The following RBFOX1 variants were observed in gnomAD, a reference collection of about 807,000 sequenced individuals.
RBFOX1 encodes the protein RNA binding fox-1 homolog 1.
A neutral mutation model predicts 57.7 loss-of-function variants in RBFOX1; 8 were observed. That is an observed-to-expected ratio of 0.14 (90% CI 0.08 to 0.25). The LOEUF (loss-of-function observed/expected upper bound fraction) is 0.25. Among genes scored for constraint, RBFOX1 ranks in the 10% least tolerant of loss-of-function variants. The pLI, the probability that RBFOX1 is intolerant of heterozygous loss-of-function variation, is 1.00. For synonymous variants in RBFOX1, 326 were observed against 222.4 expected (o/e 1.47, Z -4.15); for missense variants, 611 against 548.5 (o/e 1.11, Z -1.14).
At chr16:6,007,696 A>G (rs74484057) in intron 4 of RBFOX1, among the ~76,000 whole-genome samples, 1,854 of 152,294 alleles carry the variant, frequency 0.012, 34 homozygotes, top group African/African-American at 0.043. Flanking sequence ...TACTTGTGGG[A>G]TGAATGAACA....
chr16:7,474,049 G>A (rs945193058), intron 4 of RBFOX1, among the ~76,000 whole-genome samples: 12 of 152,122 alleles, frequency 7.9e-5, no homozygotes, highest in Non-Finnish European at 1.5e-4. Flanking sequence ...AGCACTTTGG[G>A]AGGCTGAGGA....
chr16:6,282,495 C>T (rs770728959), intron 1 of RBFOX1, among the ~76,000 whole-genome samples: 5 of 151,708 alleles, frequency 3.3e-5, no homozygotes, highest in Non-Finnish European at 7.4e-5. Context: ...GGTGTTAAGC[C>T]CTGCATGCAT....
intron 2 of RBFOX1, among the ~76,000 whole-genome samples, chr16:6,388,205 A>C (rs965304902): frequency 6.6e-6 from 1 of 151,812 alleles, no homozygotes; most frequent in African/African-American, 2.4e-5. Flanking sequence ...TGACCTTGTG[A>C]TCCACCAACC....
At chr16:5,707,655 G>C (rs1217526409) in intron 3 of RBFOX1, among the ~76,000 whole-genome samples, 1 of 152,164 alleles carries the variant, frequency 6.6e-6, no homozygotes, top group Non-Finnish European at 1.5e-5. Flanking sequence ...TATGAGGTTT[G>C]CTGGTGTTGC....
chr16:7,615,243 G>C (rs1240858403), intron 10 of RBFOX1, among the ~76,000 whole-genome samples: 2 of 152,166 alleles, frequency 1.3e-5, no homozygotes, highest in Non-Finnish European at 2.9e-5. Flanking sequence ...TGAGGCAGGA[G>C]AATGGCGTGA....
intron 3 of RBFOX1, among the ~76,000 whole-genome samples, chr16:5,654,514 A>C (rs1043105617): frequency 2.0e-5 from 3 of 151,972 alleles, no homozygotes; most frequent in African/African-American, 7.3e-5. Context: ...TTCTTCTCTC[A>C]TTCAGAATCG....
intron 12 of RBFOX1, among the ~76,000 whole-genome samples, chr16:7,654,881 G>A (rs537521298): frequency 6.3e-4 from 96 of 152,270 alleles, no homozygotes; most frequent in Admixed American, 1.0e-3. Flanking sequence ...TTGTTTGACA[G>A]CCCCCAACAA....
At chr16:7,572,645 C>T (rs2092906564) in intron 5 of RBFOX1, among the ~76,000 whole-genome samples, 1 of 152,088 alleles carries the variant, frequency 6.6e-6, no homozygotes, top group Admixed American at 6.6e-5. Flanking sequence ...CGAGACCATC[C>T]TGGCTAACGC....
At chr16:7,413,009 T>C (rs1282959086) in intron 4 of RBFOX1, among the ~76,000 whole-genome samples, 1 of 151,748 alleles carries the variant, frequency 6.6e-6, no homozygotes, top group African/African-American at 2.4e-5. Flanking sequence ...GCCACTGCAC[T>C]CCAGCCCGGG....
At chr16:7,598,654 T>A (rs546731188) in intron 9 of RBFOX1, among the ~76,000 whole-genome samples, 11 of 152,300 alleles carry the variant, frequency 7.2e-5, no homozygotes, top group African/African-American at 2.6e-4. Flanking sequence ...CCTATATATG[T>A]AGTAGGTGTT....
chr16:6,538,548 C>T (rs1471217880), intron 2 of RBFOX1, among the ~76,000 whole-genome samples: 1 of 152,114 alleles, frequency 6.6e-6, no homozygotes, highest in African/African-American at 2.4e-5. Flanking sequence ...ATGCCACACC[C>T]ACTAGGATGA....
intron 4 of RBFOX1, among the ~76,000 whole-genome samples, chr16:7,208,769 T>C (rs1365594696): frequency 1.3e-5 from 2 of 152,130 alleles, no homozygotes; most frequent in Non-Finnish European, 2.9e-5. Flanking sequence ...TCCAGGTATT[T>C]GAGGCTACAG....
At chr16:7,199,236 A>C (rs1203588147) in intron 4 of RBFOX1, among the ~76,000 whole-genome samples, 2 of 152,216 alleles carry the variant, frequency 1.3e-5, no homozygotes, top group Admixed American at 6.5e-5. Flanking sequence ...CTAAGAGCTT[A>C]AACCAGACAA....
In RBFOX1 at chr16:7,316,329, G is replaced by C. The variant is rs117611612; in HGVS notation, c.28-201818G>C. ...AGAAATGCTATGTTTTTACCTGTTT[G>C]TATAATCTTCCTAACATTGCATGAT... On this transcript the variant is annotated intron_variant, in intron 4 of 15. Transcript: ENST00000550418. 6.1e-3 allele frequency among the ~76,000 whole-genome samples: 930 copies of C among 152,294 alleles called. 6 individuals are homozygous for C. Among genetic ancestry groups the C allele is most frequent in the South Asian group, 0.028 (133 of 4,824 alleles).
At chr16:7,699,648 A>T (rs1390675004) in intron 14 of RBFOX1, among the ~76,000 whole-genome samples, 1 of 152,232 alleles carries the variant, frequency 6.6e-6, no homozygotes, top group Non-Finnish European at 1.5e-5. Flanking sequence ...TAGTACAAAA[A>T]TGATGTAAAA....
intron 13 of RBFOX1, among the ~76,000 whole-genome samples, chr16:7,676,301 A>G (rs991790686): frequency 6.6e-6 from 1 of 152,224 alleles, no homozygotes; most frequent in African/African-American, 2.4e-5. Context: ...ATAAACTTTC[A>G]ATCAAAGGGT....
chr16:7,315,900 G>C (rs2096427994), intron 4 of RBFOX1, among the ~76,000 whole-genome samples: 1 of 152,002 alleles, frequency 6.6e-6, no homozygotes, highest in African/African-American at 2.4e-5. Flanking sequence ...TATCTTTGAT[G>C]GGTTACTAAA....
Position 5,879,623 on chromosome 16 carries a change from C to A in RBFOX1, c.351+12288C>A, listed in dbSNP as rs548246185. On this transcript the variant is annotated intron_variant, in intron 4 of 19. Transcript: ENST00000641259. ...GGGATTATAGGCGTGAGCCACCACG[C>A]CTGATCTATTTTCTTATTTAGTTCA... is the stretch of plus-strand genomic sequence containing the variant. 5.9e-5 allele frequency among the ~76,000 whole-genome samples: 9 copies of A among 152,286 alleles called. No individual in the cohort carries two copies. In the East Asian group the frequency reaches 1.5e-3, roughly 26 times the overall value.
At chr16:6,196,898 C>A (rs1156400483) in intron 1 of RBFOX1, among the ~76,000 whole-genome samples, 1 of 151,978 alleles carries the variant, frequency 6.6e-6, no homozygotes. Context: ...CTGTCCGCTG[C>A]CTACACTGGA....
Sources: allele counts gnomAD v4.1 joint callset (sites outside exome capture counted in the v4.1 genomes callset), GRCh38; gene constraint gnomAD v4.1.1; transcripts MANE v1.5; gene names NCBI Gene and HGNC (gene_info 2026-07-23, HGNC 2026-07-21).